Variants in HNRNPC observed in about 807,000 individuals in gnomAD.
HNRNPC encodes heterogeneous nuclear ribonucleoproteins C1/C2.
A neutral mutation model predicts 33.2 loss-of-function variants in HNRNPC; 3 were observed. The observed-to-expected ratio is 0.09, with a 90% CI of 0.04 to 0.23. HNRNPC has a LOEUF of 0.23. Among genes scored for constraint, HNRNPC ranks in the 10% least tolerant of loss-of-function variants. The probability of loss-of-function intolerance (pLI) is 1.00; values close to 1 mark genes in which losing one functional copy is unlikely to be tolerated. For synonymous variants in HNRNPC, 121 were observed against 126.7 expected (o/e 0.96, Z 0.30); for missense variants, 143 against 366.7 (o/e 0.39, Z 4.98).
chr14:21,256,572 G>A (rs970800629), intron 2 of HNRNPC, among the ~76,000 whole-genome samples: 1 of 152,134 alleles, frequency 6.6e-6, no homozygotes, highest in Non-Finnish European at 1.5e-5. Flanking sequence ...ATAATGCACA[G>A]GAGACAAGGG....
chr14:21,224,483 A>C (rs1327013721), intron 5 of HNRNPC, among the ~76,000 whole-genome samples: 4 of 152,136 alleles, frequency 2.6e-5, no homozygotes, highest in Non-Finnish European at 1.5e-5. Context: ...TCATCTAGTC[A>C]CGAAGACAAA....
intron 2 of HNRNPC, among the ~76,000 whole-genome samples, chr14:21,251,447 G>C (rs777696231): frequency 1.3e-5 from 2 of 152,022 alleles, no homozygotes; most frequent in African/African-American, 4.8e-5. Context: ...GGGAGGCAGA[G>C]GCGGGCAGAT....
chr14:21,237,587 T>A (rs1894845654), intron 2 of HNRNPC, among the ~76,000 whole-genome samples: 1 of 152,218 alleles, frequency 6.6e-6, no homozygotes. Context: ...TTATTGATGC[T>A]TAAACAATAC....
At chr14:21,260,440 A>G (rs1400899962) in intron 2 of HNRNPC, among the ~76,000 whole-genome samples, 1 of 151,564 alleles carries the variant, frequency 6.6e-6, no homozygotes, top group Non-Finnish European at 1.5e-5. Flanking sequence ...ATTTAAAGTT[A>G]TAAATAAAAA....
At chr14:21,221,487 C>A (rs1892817654) in intron 5 of HNRNPC, among the ~76,000 whole-genome samples, 1 of 152,168 alleles carries the variant, frequency 6.6e-6, no homozygotes, top group Admixed American at 6.5e-5. Context: ...TATGTAATTA[C>A]CAGAGTCCAG....
At chr14:21,240,382 A>G (rs1187751208) in intron 2 of HNRNPC, among the ~76,000 whole-genome samples, 7 of 152,228 alleles carry the variant, frequency 4.6e-5, no homozygotes, top group Non-Finnish European at 8.8e-5. Flanking sequence ...TTGGATTGTC[A>G]ATCTAGCTAA....
chr14:21,262,351 T>G (rs1402692748), intron 2 of HNRNPC, among the ~76,000 whole-genome samples: 2 of 152,258 alleles, frequency 1.3e-5, no homozygotes, highest in Non-Finnish European at 2.9e-5. Context: ...CAAGCCACTT[T>G]CATTTTAAAC....
chr14:21,248,113 A>T (rs1896207082), intron 2 of HNRNPC, among the ~76,000 whole-genome samples: 1 of 152,132 alleles, frequency 6.6e-6, no homozygotes, highest in Admixed American at 6.6e-5. Context: ...CTGAGGTGGG[A>T]GATTGCTTGA....
Position 21,213,136 on chromosome 14 carries a change from AT to A in HNRNPC, c.366-20del, listed in dbSNP as rs528567614. On this transcript the variant is annotated intron_variant, in intron 5 of 8. Coordinates refer to ENST00000553300, the MANE Select transcript of HNRNPC (RefSeq NM_004500.4). Reference sequence around the variant, plus strand: ...GTACATCCTATTGGATAAGAGGAAAATGGAATTCATTCAAACCTAACATTAA... The same window carrying A: ...GTACATCCTATTGGATAAGAGGAAAAGGAATTCATTCAAACCTAACATTAA... The A allele has an allele frequency of 3.4e-5, 54 of 1,611,844 alleles. No individual in the cohort carries two copies. The African/African-American group carries it at 6.7e-4, about 20-fold the overall frequency.
At chr14:21,211,670 C>T (rs1291966086) in intron 7 of HNRNPC, 104 bp from the exon 8 acceptor site, 2 of 1,443,758 alleles carry the variant, frequency 1.4e-6, no homozygotes, top group Non-Finnish European at 1.9e-6. Flanking sequence ...TAAATCCTCC[C>T]ACACAAATAC....
At chr14:21,221,543 ACT>A (rs747610326) in intron 5 of HNRNPC, among the ~76,000 whole-genome samples, 3 of 152,002 alleles carry the variant, frequency 2.0e-5, no homozygotes, top group African/African-American at 4.8e-5. Context: ...ATCCTTAAAA[ACT>A]CTACAAAACG....
chr14:21,214,747 CA>C (rs1217338036), intron 5 of HNRNPC, among the ~76,000 whole-genome samples: 7 of 152,170 alleles, frequency 4.6e-5, no homozygotes, highest in Non-Finnish European at 1.0e-4. Context: ...CAAAATCTTG[CA>C]AAGTATAATG....
intron 2 of HNRNPC, among the ~76,000 whole-genome samples, chr14:21,235,354 T>G (rs953018906): frequency 6.6e-6 from 1 of 152,158 alleles, no homozygotes; most frequent in Non-Finnish European, 1.5e-5. Context: ...AAACTAGTTC[T>G]CACGGATGAT....
rs74902673 is a variant in HNRNPC, at chr14:21,250,242, G to C, written c.-37+13069C>G. Among the ~76,000 whole-genome samples, 951 of 151,178 alleles carry C rather than the reference G, an allele frequency of 6.3e-3. 11 individuals carry two copies. The highest frequency in any genetic ancestry group is 0.021 in the African/African-American group (858 of 41,208). Reference sequence around the variant, plus strand: ...CACTCCAGCCTGGGCAACGGAGCGAGACTCCACTTCAAAAAAAAAAAAGAA... The same window carrying C: ...CACTCCAGCCTGGGCAACGGAGCGACACTCCACTTCAAAAAAAAAAAAGAA... On this transcript the variant is annotated intron_variant, in intron 2 of 8. Coordinates refer to ENST00000553300, the MANE Select transcript of HNRNPC (RefSeq NM_004500.4).
rs1474877458 is a variant in HNRNPC, at chr14:21,209,320, G to C, written c.*1903C>G. On this transcript the variant is annotated 3_prime_UTR_variant, in exon 9 of 9. Coordinates refer to ENST00000553300, the MANE Select transcript of HNRNPC (RefSeq NM_004500.4). The stretch of plus-strand genomic sequence containing the variant: ...GCAGGGAGAGGCCCTACAGTGAAGG[G>C]AAAAGTAGACACTTGATTGTGGACT... 2.0e-5 allele frequency: 3 copies of C among 152,288 alleles called. No individual in the cohort carries two copies. The highest frequency in any genetic ancestry group is 3.9e-4 in the East Asian group (2 of 5,188). The allele number at this position is 152,288 out of a possible 1,614,324, so 9.4% of individuals were successfully genotyped here.
chr14:21,223,299 TA>T, intron 5 of HNRNPC, among the ~76,000 whole-genome samples: 1 of 152,026 alleles, frequency 6.6e-6, no homozygotes, highest in South Asian at 2.1e-4. Context: ...TAGTGTTGGG[TA>T]AAAATGGAAT....
intron 5 of HNRNPC, among the ~76,000 whole-genome samples, chr14:21,219,567 A>G (rs1295848312): frequency 6.6e-6 from 1 of 151,940 alleles, no homozygotes; most frequent in Non-Finnish European, 1.5e-5. Flanking sequence ...TTGCCTTTCT[A>G]CTCTTTTGAC....
chr14:21,214,502 A>G (rs1357908179), intron 5 of HNRNPC, among the ~76,000 whole-genome samples: 1 of 152,210 alleles, frequency 6.6e-6, no homozygotes, highest in Non-Finnish European at 1.5e-5. Flanking sequence ...TGAGATGGAA[A>G]GACAGGTTGA....
At chr14:21,214,764 G>C (rs930465747) in intron 5 of HNRNPC, among the ~76,000 whole-genome samples, 2 of 152,134 alleles carry the variant, frequency 1.3e-5, no homozygotes, top group African/African-American at 4.8e-5. Flanking sequence ...TAATGATACA[G>C]AAACTATAAA....
Sources: allele counts gnomAD v4.1 joint callset (sites outside exome capture counted in the v4.1 genomes callset), GRCh38; gene constraint gnomAD v4.1.1; transcripts MANE v1.5; gene names NCBI Gene and HGNC (gene_info 2026-07-23, HGNC 2026-07-21).